MICU1: variants seen among roughly 807,000 people sequenced by gnomAD.
The protein encoded by MICU1 is mitochondrial calcium uptake 1.
A neutral mutation model predicts 56.8 loss-of-function variants in MICU1; 45 were observed. The observed-to-expected ratio is 0.79, with a 90% CI of 0.62 to 1.02. The LOEUF (loss-of-function observed/expected upper bound fraction) is 1.02, where lower values mean the gene tolerates loss of function less well. Ranked by LOEUF, MICU1 falls within the 50% of genes least tolerant of loss-of-function variation. The pLI, the probability that MICU1 is intolerant of heterozygous loss-of-function variation, is 0.00. For synonymous variants in MICU1, 186 were observed against 195.1 expected (o/e 0.95, Z 0.39); for missense variants, 504 against 587.1 (o/e 0.86, Z 1.46).
chr10:72,537,587 G>A (rs1001551603), intron 4 of MICU1, among the ~76,000 whole-genome samples: 22 of 152,128 alleles, frequency 1.4e-4, no homozygotes, highest in Admixed American at 1.2e-3. Context: ...TGCTCATAGT[G>A]TGATATAAAC....
chr10:72,552,028 T>C (rs972626744), intron 3 of MICU1, among the ~76,000 whole-genome samples: 15 of 152,214 alleles, frequency 9.9e-5, no homozygotes, highest in African/African-American at 3.1e-4. Context: ...TTAGATTTCA[T>C]AGGTTTCAAA....
intron 4 of MICU1, among the ~76,000 whole-genome samples, chr10:72,549,503 T>C (rs534188916): frequency 9.9e-5 from 15 of 152,164 alleles, no homozygotes; most frequent in Non-Finnish European, 1.8e-4. Flanking sequence ...TCTGTTTGTA[T>C]TTTTGACCAC....
chr10:72,380,018 G>A (rs1862648058), intron 10 of MICU1, among the ~76,000 whole-genome samples: 1 of 152,148 alleles, frequency 6.6e-6, no homozygotes, highest in African/African-American at 2.4e-5. Flanking sequence ...CAGATTACAA[G>A]CCAAGTGCTT....
chr10:72,566,582 A>T, intron 2 of MICU1, 51 bp downstream of exon 2: 1 of 1,548,600 alleles, frequency 6.5e-7, no homozygotes, highest in Non-Finnish European at 8.7e-7. Context: ...AACAGAGATG[A>T]CTGGAAGAAT....
intron 5 of MICU1, among the ~76,000 whole-genome samples, chr10:72,517,986 G>A (rs1285604648): frequency 6.6e-6 from 1 of 150,904 alleles, no homozygotes; most frequent in Admixed American, 6.6e-5. Flanking sequence ...TGCCCCAGAA[G>A]TAGTTATTTA....
chr10:72,442,876 C>A (rs940051454), intron 8 of MICU1, among the ~76,000 whole-genome samples: 1 of 152,156 alleles, frequency 6.6e-6, no homozygotes, highest in African/African-American at 2.4e-5. Flanking sequence ...CCTGTCTCAG[C>A]CTCCTGAGTA....
intron 1 of MICU1, among the ~76,000 whole-genome samples, chr10:72,599,685 C>G: frequency 6.6e-6 from 1 of 152,262 alleles, no homozygotes; most frequent in Non-Finnish European, 1.5e-5. Context: ...TCCCTCCCTT[C>G]TTTCTTCCTT....
At chr10:72,614,224 C>T (rs559009844) in intron 1 of MICU1, among the ~76,000 whole-genome samples, 140 of 151,200 alleles carry the variant, frequency 9.3e-4, no homozygotes, top group Non-Finnish European at 1.6e-3. Context: ...AAAAAAAAAA[C>T]AAGTGTTGAC....
intron 4 of MICU1, among the ~76,000 whole-genome samples, chr10:72,536,728 T>C (rs1839646841): frequency 6.6e-6 from 1 of 152,194 alleles, no homozygotes; most frequent in Non-Finnish European, 1.5e-5. Context: ...ACTGAATATA[T>C]CCAAATAGTA....
chr10:72,386,444 A>T (rs1457165457), intron 10 of MICU1, among the ~76,000 whole-genome samples: 1 of 152,036 alleles, frequency 6.6e-6, no homozygotes, highest in Non-Finnish European at 1.5e-5. Context: ...AGCCTCCTAA[A>T]GTGCTGGGAT....
intron 4 of MICU1, among the ~76,000 whole-genome samples, chr10:72,550,591 T>C (rs1164201235): frequency 6.6e-6 from 1 of 152,258 alleles, no homozygotes; most frequent in Non-Finnish European, 1.5e-5. Context: ...TTTGAGACTA[T>C]GGTCACAACA....
At chr10:72,602,287 C>A (rs935820219) in intron 1 of MICU1, among the ~76,000 whole-genome samples, 4 of 151,060 alleles carry the variant, frequency 2.6e-5, no homozygotes, top group Non-Finnish European at 5.9e-5. Flanking sequence ...CCCATCTCTA[C>A]TAAAAATACA....
intron 11 of MICU1, among the ~76,000 whole-genome samples, chr10:72,375,426 T>C (rs1388193486): frequency 2.6e-5 from 4 of 152,230 alleles, no homozygotes; most frequent in African/African-American, 9.6e-5. Context: ...GGTGGAGAGA[T>C]CAGTACTGCC....
At chr10:72,447,370 G>T (rs978263225) in intron 8 of MICU1, among the ~76,000 whole-genome samples, 1 of 152,098 alleles carries the variant, frequency 6.6e-6, no homozygotes, top group Non-Finnish European at 1.5e-5. Flanking sequence ...ATATAGGCTA[G>T]AGGGTTTTAA....
chr10:72,376,235 G>A (rs1242279772), intron 10 of MICU1, among the ~76,000 whole-genome samples: 6 of 151,584 alleles, frequency 4.0e-5, no homozygotes, highest in Non-Finnish European at 8.8e-5. Context: ...CTGAGATCAC[G>A]CCACTGCTCT....
chr10:72,389,955 G>A (rs1008479382), intron 10 of MICU1, among the ~76,000 whole-genome samples: 5 of 152,206 alleles, frequency 3.3e-5, no homozygotes, highest in African/African-American at 1.2e-4. Context: ...GTGTGCGTAC[G>A]AATGAGCAAT....
At chr10:72,564,418 G>A (rs1035659374) in intron 2 of MICU1, among the ~76,000 whole-genome samples, 7 of 151,860 alleles carry the variant, frequency 4.6e-5, no homozygotes, top group Non-Finnish European at 7.4e-5. Flanking sequence ...GTGCTTGCCT[G>A]GTCCCAGCTA....
chr10:72,497,967 C>T (rs1029104385), intron 6 of MICU1, among the ~76,000 whole-genome samples: 5 of 152,198 alleles, frequency 3.3e-5, no homozygotes, highest in Admixed American at 3.3e-4. Context: ...TAATGATGTC[C>T]TATCCACTGC....
At chr10:72,445,822 C>T (rs1448378681) in intron 8 of MICU1, among the ~76,000 whole-genome samples, 2 of 152,156 alleles carry the variant, frequency 1.3e-5, no homozygotes, top group Non-Finnish European at 2.9e-5. Context: ...AGCAGTACCT[C>T]CCTCTTGGGA....
Sources: gnomAD v4.1 joint callset for allele counts (sites outside exome capture counted in the v4.1 genomes callset) on GRCh38, gnomAD v4.1.1 for gene constraint, MANE v1.5 for transcripts, NCBI Gene and HGNC (gene_info 2026-07-23, HGNC 2026-07-21) for gene names.